The following ITGA8 variants were observed in gnomAD, a reference collection of about 807,000 sequenced individuals.
ITGA8 encodes integrin subunit alpha 8.
ITGA8 carries 91 observed loss-of-function variants against 142.3 expected under a neutral mutation model. That is an observed-to-expected ratio of 0.64 (90% CI 0.54 to 0.76). The LOEUF is 0.76. Among genes scored for constraint, ITGA8 ranks in the 30% least tolerant of loss-of-function variants. ITGA8 has a pLI of 0.00. For missense variants in ITGA8, 1,406 were observed against 1,327.7 expected, an observed-to-expected ratio of 1.06 and a Z score of -0.92; for synonymous variants, 505 against 485.2, an observed-to-expected ratio of 1.04 and a Z score of -0.54.
intron 19 of ITGA8, among the ~76,000 whole-genome samples, chr10:15,604,649 C>T (rs551573875): frequency 9.9e-5 from 15 of 150,856 alleles, no homozygotes; most frequent in African/African-American, 2.7e-4. Flanking sequence ...ATCCATGAAC[C>T]GTGGTCATTT....
chr10:15,589,429 A>G (rs1588661543), intron 22 of ITGA8, among the ~76,000 whole-genome samples: 2 of 150,526 alleles, frequency 1.3e-5, no homozygotes, highest in African/African-American at 4.9e-5. Flanking sequence ...GTGTAGAGTG[A>G]GGGCATGGAG....
Position 15,605,769 on chromosome 10 carries a change from C to T in ITGA8, c.1925G>A (p.Gly642Glu), listed in dbSNP as rs1833183735. ...GTCAGGAACACACAGATTGTCTTCT[C>T]CACAGTCCACCAGAATGTGAGCCTG... ...SEQAHILVDC[G>E]EDNLCVPDLK... Residue 642 changes from glycine to glutamate, a missense_variant, in exon 19 of 30, where the codon GGA (glycine) becomes GAA (glutamate). Transcript: ENST00000378076. The T allele has an allele frequency of 3.1e-6, 5 of 1,613,474 alleles. No individual in the cohort carries two copies. The East Asian group carries it at 1.1e-4, about 36-fold the overall frequency.
Position 15,519,538 on chromosome 10 carries a change from G to A in ITGA8, c.2983-126C>T. ...CCATATGACAATTGAAATCATCTAG[G>A]GGATATTTGAGAGGTAGCACTCGAA... is the stretch of plus-strand genomic sequence containing the variant. On this transcript the variant is annotated intron_variant, in intron 28 of 29. Coordinates refer to ENST00000378076, the MANE Select transcript of ITGA8 (RefSeq NM_003638.3). 10 of 1,011,602 alleles carry A rather than the reference G, an allele frequency of 9.9e-6. No individual in the cohort carries two copies. In the South Asian group the frequency reaches 1.4e-4, roughly 14 times the overall value. 62.7% of individuals were successfully genotyped at this position (1,011,602 alleles called of 1,614,324 possible).
chr10:15,591,086 G>A (rs962427250), intron 22 of ITGA8, among the ~76,000 whole-genome samples: 1 of 152,126 alleles, frequency 6.6e-6, no homozygotes, highest in Non-Finnish European at 1.5e-5. Context: ...ATTGCATGGA[G>A]TCATTATTCT....
At chr10:15,668,574 G>A (rs551748172) in intron 8 of ITGA8, among the ~76,000 whole-genome samples, 2 of 152,146 alleles carry the variant, frequency 1.3e-5, no homozygotes, top group East Asian at 1.9e-4. Flanking sequence ...GATGTTAGCT[G>A]GTTATTTTGC....
At chr10:15,681,263 C>T (rs7912572) in intron 4 of ITGA8, among the ~76,000 whole-genome samples, 1,878 of 152,236 alleles carry the variant, frequency 0.012, 37 homozygotes, top group African/African-American at 0.043. Context: ...CATGAACAAG[C>T]TGGCTTTGTG....
rs529040904 is a variant in ITGA8 at position 15,625,174 on chromosome 10, A to G, written c.1400-8615T>C. ...AAATGAACTCTGAAGAAAAACATTT[A>G]TGAGTTGGAACATGGTATTAGGTTG... On this transcript the variant is annotated intron_variant, in intron 13 of 29. Coordinates refer to ENST00000378076, the MANE Select transcript of ITGA8 (RefSeq NM_003638.3). Among the ~76,000 whole-genome samples, 12 of 152,350 alleles carry G rather than the reference A, an allele frequency of 7.9e-5. No homozygotes were observed. The South Asian group carries it at 1.9e-3, about 24-fold the overall frequency.
rs1051097840 is a variant in ITGA8, at chr10:15,515,907, T to C, written c.*1251A>G. The C allele has an allele frequency of 6.6e-6, 1 of 152,160 alleles. No individual in the cohort carries two copies. Among genetic ancestry groups the C allele is most frequent in the Non-Finnish European group, 1.5e-5 (1 of 68,004 alleles). 9.4% of individuals were successfully genotyped at this position (152,160 alleles called of 1,614,324 possible). A position where few individuals can be genotyped will look rare whatever the true frequency, so the allele number is the denominator to read the frequency against. On this transcript the variant is annotated 3_prime_UTR_variant, in exon 30 of 30. Coordinates refer to ENST00000378076, the MANE Select transcript of ITGA8 (RefSeq NM_003638.3). ...TCTCCAAAGTTACATATTATAAAGA[T>C]TAGCAGTAAAAATAAGTAATAAAGT...
In ITGA8 at chr10:15,705,515, C is replaced by T. The variant is rs554372715; in HGVS notation, c.343+13251G>A. 2.0e-5 allele frequency among the ~76,000 whole-genome samples: 3 copies of T among 152,336 alleles called. No homozygotes were observed. In the East Asian group the frequency reaches 5.8e-4, roughly 29 times the overall value. ...GAGGAATCCCCTGCATTTCCCTCCA[C>T]TCAGAAATTGGTTCCTGACTATGGT... On this transcript the variant is annotated intron_variant, in intron 2 of 29. Transcript: ENST00000378076.
chr10:15,592,339 T>G (rs762094908), intron 21 of ITGA8, 35 bp from the exon 22 acceptor site: 8 of 1,446,492 alleles, frequency 5.5e-6, no homozygotes, highest in Non-Finnish European at 9.7e-7. Context: ...AAGAGTAGCT[T>G]GTACACAACA....
intron 10 of ITGA8, among the ~76,000 whole-genome samples, chr10:15,658,655 G>C (rs1363704037): frequency 6.6e-6 from 1 of 152,156 alleles, no homozygotes; most frequent in Non-Finnish European, 1.5e-5. Flanking sequence ...GAGGCCTCCT[G>C]ATCACCCCAT....
At chr10:15,644,836 G>A (rs1833948727) in intron 12 of ITGA8, among the ~76,000 whole-genome samples, 1 of 151,816 alleles carries the variant, frequency 6.6e-6, no homozygotes, top group Admixed American at 6.6e-5. Context: ...GCTCACACCT[G>A]TAATCCCAGC....
At chr10:15,629,514 G>A (rs1461325090) in intron 13 of ITGA8, among the ~76,000 whole-genome samples, 1 of 151,922 alleles carries the variant, frequency 6.6e-6, no homozygotes, top group Non-Finnish European at 1.5e-5. Context: ...AAAGAAAAAT[G>A]CAGATTCACT....
At chr10:15,639,615 T>A (rs568334917) in intron 13 of ITGA8, among the ~76,000 whole-genome samples, 2 of 152,346 alleles carry the variant, frequency 1.3e-5, no homozygotes, top group South Asian at 4.1e-4. Flanking sequence ...CCGCTTGATC[T>A]CTGCATCAGG....
intron 22 of ITGA8, among the ~76,000 whole-genome samples, chr10:15,591,405 A>ATATATTATATTATATTATAT (rs3041564): frequency 4.3e-4 from 62 of 143,748 alleles, no homozygotes; most frequent in South Asian, 8.9e-4. Flanking sequence ...CTGTATTAAT[A>ATATATTATATTATATTATAT]TATATTATAT....
intron 25 of ITGA8, among the ~76,000 whole-genome samples, chr10:15,565,573 ATTTTTTTTTTTTTTTTT>A (rs71374633): frequency 3.5e-4 from 12 of 34,782 alleles, no homozygotes; most frequent in Admixed American, 1.1e-3. Context: ...TCATGTCCTG[ATTTTTTTTTTTTTTTTT>A]TTTTTTTTTT....
chr10:15,561,071 G>A (rs1448289104), intron 25 of ITGA8, among the ~76,000 whole-genome samples: 1 of 151,578 alleles, frequency 6.6e-6, no homozygotes, highest in Non-Finnish European at 1.5e-5. Flanking sequence ...TTTCATTTTT[G>A]TAAAGACAGC....
intron 23 of ITGA8, among the ~76,000 whole-genome samples, chr10:15,581,821 A>G (rs1297809826): frequency 6.6e-6 from 1 of 152,218 alleles, no homozygotes; most frequent in Admixed American, 6.5e-5. Flanking sequence ...TACATACATC[A>G]ATAGAAGAGA....
At chr10:15,694,255 C>T (rs982649585) in intron 2 of ITGA8, among the ~76,000 whole-genome samples, 7 of 127,138 alleles carry the variant, frequency 5.5e-5, no homozygotes, top group African/African-American at 1.6e-4. Flanking sequence ...TATATGATAA[C>T]ATATACATCA....
Sources: allele counts gnomAD v4.1 joint callset (sites outside exome capture counted in the v4.1 genomes callset), GRCh38; gene constraint gnomAD v4.1.1; transcripts MANE v1.5; gene names NCBI Gene and HGNC (gene_info 2026-07-23, HGNC 2026-07-21).